RXFP1: variants seen among roughly 807,000 people sequenced by gnomAD.
RXFP1 encodes relaxin receptor 1.
In RXFP1, 73 loss-of-function variants were observed where a neutral mutation model predicts 89.8. The observed-to-expected ratio is 0.81, with a 90% confidence interval of 0.67 to 0.99. The LOEUF (loss-of-function observed/expected upper bound fraction) is 0.99, where lower values mean the gene tolerates loss of function less well. Among genes scored for constraint, RXFP1 ranks in the 50% least tolerant of loss-of-function variants. The pLI is 0.00. For synonymous variants in RXFP1, 277 were observed against 305.5 expected, an observed-to-expected ratio of 0.91 and a Z score of 0.97; for missense variants, 793 against 895.5, an observed-to-expected ratio of 0.89 and a Z score of 1.46.
chr4:158,633,879 C>A (rs894442664), intron 12 of RXFP1, among the ~76,000 whole-genome samples: 2 of 152,194 alleles, frequency 1.3e-5, no homozygotes, highest in Admixed American at 1.3e-4. Flanking sequence ...CTTCTTAAGG[C>A]TGAACAATAT....
At chr4:158,634,167 C>T (rs1333125711) in intron 12 of RXFP1, among the ~76,000 whole-genome samples, 1 of 152,192 alleles carries the variant, frequency 6.6e-6, no homozygotes, top group African/African-American at 2.4e-5. Flanking sequence ...CATTTCTCCA[C>T]ATCCTTCCCA....
intron 1 of RXFP1, among the ~76,000 whole-genome samples, chr4:158,529,064 T>C (rs1042355770): frequency 2.0e-5 from 3 of 152,172 alleles, no homozygotes; most frequent in Non-Finnish European, 2.9e-5. Flanking sequence ...TAGAGTAACA[T>C]GTTTCAATCC....
In RXFP1 at chr4:158,572,550, G is replaced by A. The variant is rs80171324; in HGVS notation, c.50-148G>A. ...GGAAAGAACGTCCTAAGAGGTGAAG[G>A]TTCCTAGAAAATAACTGGCATCAGG... On this transcript the variant is annotated intron_variant, in intron 1 of 17. Coordinates refer to ENST00000307765, the MANE Select transcript of RXFP1 (RefSeq NM_021634.4). 0.012 allele frequency: 8,622 copies of A among 728,230 alleles called. 483 individuals carry two copies. In the African/African-American group the frequency reaches 0.13, roughly 11 times the overall value. The allele number at this position is 728,230 out of a possible 1,614,324, so 45.1% of individuals were successfully genotyped here.
intron 17 of RXFP1, among the ~76,000 whole-genome samples, chr4:158,649,627 A>G (rs4691513): frequency 1 from 151,870 of 152,262 alleles, 75,742 homozygotes; most frequent in Middle Eastern, 1. Flanking sequence ...ATAAAAATAA[A>G]AAATAAAAAA....
At chr4:158,580,245 G>A (rs1757081336) in intron 2 of RXFP1, among the ~76,000 whole-genome samples, 1 of 152,164 alleles carries the variant, frequency 6.6e-6, no homozygotes, top group Non-Finnish European at 1.5e-5. Context: ...TCCGGGGTGT[G>A]TGGGCTAATC....
chr4:158,613,801 A>G (rs888417713), intron 8 of RXFP1, among the ~76,000 whole-genome samples: 3 of 152,204 alleles, frequency 2.0e-5, no homozygotes, highest in Non-Finnish European at 4.4e-5. Context: ...TGGCATCTAG[A>G]ATGGTGAATG....
chr4:158,555,213 T>G (rs1051959836), intron 1 of RXFP1, among the ~76,000 whole-genome samples: 4 of 152,180 alleles, frequency 2.6e-5, no homozygotes, highest in Non-Finnish European at 5.9e-5. Context: ...TTTGCATTTC[T>G]GTCAAAAATC....
intron 2 of RXFP1, among the ~76,000 whole-genome samples, chr4:158,574,837 C>G (rs1755872835): frequency 6.6e-6 from 1 of 152,162 alleles, no homozygotes; most frequent in African/African-American, 2.4e-5. Flanking sequence ...AACTAGTGAG[C>G]TTAAGCTGCA....
chr4:158,634,714 G>A (rs1768803431), intron 12 of RXFP1, among the ~76,000 whole-genome samples: 1 of 152,110 alleles, frequency 6.6e-6, no homozygotes, highest in African/African-American at 2.4e-5. Context: ...TGTACATGGT[G>A]TAAGGTAAGG....
rs1398986630 is a variant in RXFP1 at position 158,539,596 on chromosome 4, G to A, written c.49+17571G>A. 2.6e-5 allele frequency among the ~76,000 whole-genome samples: 4 copies of A among 152,096 alleles called. No homozygotes were observed. The East Asian group carries it at 7.7e-4, about 29-fold the overall frequency. On this transcript the variant is annotated intron_variant, in intron 1 of 17. Transcript: ENST00000307765. ...TAGACATTTATAATAAAAGAAAAAAGGCATATGTAATACCTGCTTGATATC... is the reference window on the plus strand; with the variant it reads ...TAGACATTTATAATAAAAGAAAAAAAGCATATGTAATACCTGCTTGATATC...
chr4:158,546,990 T>G (rs2149863400), intron 1 of RXFP1, among the ~76,000 whole-genome samples: 1 of 152,218 alleles, frequency 6.6e-6, no homozygotes, highest in East Asian at 1.9e-4. Flanking sequence ...GATTCCCTCT[T>G]TTTCTATTGA....
intron 9 of RXFP1, among the ~76,000 whole-genome samples, chr4:158,622,371 A>G (rs1179287889): frequency 1.3e-5 from 2 of 152,204 alleles, no homozygotes; most frequent in Non-Finnish European, 2.9e-5. Context: ...ACTTCTGGGT[A>G]TATATCCAAA....
intron 12 of RXFP1, 55 bp from the exon 13 acceptor site, chr4:158,637,953 G>A (rs534483332): frequency 1.1e-5 from 12 of 1,055,170 alleles, no homozygotes; most frequent in South Asian, 3.9e-5. Flanking sequence ...AGATTCACTC[G>A]CTTTACTCAT....
Position 158,640,616 on chromosome 4 carries a change from A to G in RXFP1, c.1115+1285A>G, listed in dbSNP as rs138767694. The stretch of plus-strand genomic sequence containing the variant: ...ATTACTGCAGGAAGGACACCACACC[A>G]TTCATGAGGGATCTACCCCATGACC... On this transcript the variant is annotated intron_variant, in intron 14 of 17. Transcript: ENST00000307765. Among the ~76,000 whole-genome samples, 13 of 152,248 alleles carry G rather than the reference A, an allele frequency of 8.5e-5. No homozygotes were observed. The East Asian group carries it at 2.5e-3, about 29-fold the overall frequency.
intron 10 of RXFP1, among the ~76,000 whole-genome samples, chr4:158,627,434 C>T (rs556619513): frequency 6.6e-6 from 1 of 150,946 alleles, no homozygotes; most frequent in African/African-American, 2.4e-5. Context: ...TTAAGGGAAA[C>T]AGAATTTAAT....
chr4:158,605,641 A>C (rs1650529369), intron 5 of RXFP1, among the ~76,000 whole-genome samples: 1 of 152,086 alleles, frequency 6.6e-6, no homozygotes, highest in African/African-American at 2.4e-5. Flanking sequence ...CTGCCTTGTG[A>C]GTTGCGTTTT....
At chr4:158,527,914 T>C (rs2149783460) in intron 1 of RXFP1, among the ~76,000 whole-genome samples, 1 of 152,178 alleles carries the variant, frequency 6.6e-6, no homozygotes, top group South Asian at 2.1e-4. Flanking sequence ...CCAAATTTCA[T>C]ATGTAGGACA....
At chr4:158,645,228 A>G (rs1440395363) in intron 15 of RXFP1, 90 bp downstream of exon 15, 7 of 950,534 alleles carry the variant, frequency 7.4e-6, no homozygotes, top group African/African-American at 6.6e-5. Flanking sequence ...TGGTAGAATT[A>G]TGGAATTTTA....
chr4:158,646,343 A>C (rs1162467632), intron 15 of RXFP1: 1 of 498,876 alleles, frequency 2.0e-6, no homozygotes, highest in East Asian at 6.9e-5. Context: ...GGAACTTGTG[A>C]ATTACTTTCT....
Sources: allele counts gnomAD v4.1 joint callset (sites outside exome capture counted in the v4.1 genomes callset), GRCh38; gene constraint gnomAD v4.1.1; transcripts MANE v1.5; gene names NCBI Gene and HGNC (gene_info 2026-07-23, HGNC 2026-07-21).